The following GPHN variants were observed in gnomAD, a reference collection of about 807,000 sequenced individuals.
GPHN encodes the protein gephyrin.
GPHN carries 17 observed loss-of-function variants against 95.5 expected under a neutral mutation model. That is an observed-to-expected ratio of 0.18 (90% CI 0.12 to 0.27). The LOEUF (loss-of-function observed/expected upper bound fraction) is 0.27. Ranked by LOEUF, GPHN falls within the 10% of genes least tolerant of loss-of-function variation. GPHN has a pLI of 1.00. For missense variants in GPHN, 660 were observed against 978.1 expected (o/e 0.67, Z 4.34); for synonymous variants, 320 against 322.5 (o/e 0.99, Z 0.08).
chr14:67,118,264 A>G (rs1011569568), intron 16 of GPHN, among the ~76,000 whole-genome samples: 4 of 152,336 alleles, frequency 2.6e-5, no homozygotes, highest in Admixed American at 2.6e-4. Flanking sequence ...TCAGCAAAGA[A>G]CAGTACATTC....
the GPHN span, among the ~76,000 whole-genome samples, chr14:67,249,333 G>A: frequency 6.6e-6 from 1 of 152,318 alleles, no homozygotes; most frequent in African/African-American, 2.4e-5. Context: ...GTAAAAGGAA[G>A]CTTGGGGTAT....
chr14:67,664,333 G>A, the GPHN span, among the ~76,000 whole-genome samples: 1 of 152,038 alleles, frequency 6.6e-6, no homozygotes, highest in South Asian at 2.1e-4. Context: ...ACCATTAAGT[G>A]GAATCATACA....
At chr14:67,439,593 C>T in the GPHN span, among the ~76,000 whole-genome samples, 15 of 109,736 alleles carry the variant, frequency 1.4e-4, no homozygotes, top group African/African-American at 4.7e-4. Flanking sequence ...TTCTTTCTTT[C>T]TTCTTTCTTT....
rs1421893686 is a variant in GPHN, at chr14:67,144,286, T to TATATATATAC, written c.1836+838_1836+839insTATATATACA. Among the ~76,000 whole-genome samples, 210 of 78,044 alleles carry TATATATATAC rather than the reference T, an allele frequency of 2.7e-3. 29 individuals are homozygous for TATATATATAC. The highest frequency in any genetic ancestry group is 8.9e-3 in the African/African-American group (139 of 15,650). The allele number at this position is 78,044 out of a possible 152,430, so 51.2% of individuals were successfully genotyped here. On this transcript the variant is annotated intron_variant, in intron 18 of 22. Transcript: ENST00000478722. ...ATATATATATATATATATATATATA[T>TATATATATAC]ACACACACACATACACAAATATTTT...
At chr14:67,320,382 G>C in the GPHN span, 1 of 1,606,044 alleles carries the variant, frequency 6.2e-7, no homozygotes, top group Admixed American at 1.7e-5. Context: ...GGACCGCTTT[G>C]CATCTGCAGT....
intron 1 of GPHN, among the ~76,000 whole-genome samples, chr14:66,642,096 G>A (rs1196069039): frequency 6.6e-6 from 1 of 152,146 alleles, no homozygotes; most frequent in African/African-American, 2.4e-5. Flanking sequence ...CAGTGTGGTA[G>A]GCAGAATAAT....
intron 11 of GPHN, among the ~76,000 whole-genome samples, chr14:67,085,408 C>T (rs764488167): frequency 1.3e-5 from 2 of 152,200 alleles, no homozygotes; most frequent in Non-Finnish European, 2.9e-5. Flanking sequence ...CTTGCAAAAG[C>T]AGAAGATAAT....
At chr14:67,381,526 T>C in the GPHN span, 1 of 1,280,850 alleles carries the variant, frequency 7.8e-7, no homozygotes, top group Admixed American at 1.7e-5. Context: ...GCCACGTGTT[T>C]GATTTCCTTT....
the GPHN span, among the ~76,000 whole-genome samples, chr14:67,377,598 T>A: frequency 6.6e-6 from 1 of 152,376 alleles, no homozygotes; most frequent in African/African-American, 2.4e-5. Context: ...CTGGAATTTG[T>A]GTCCTAATTG....
At chr14:67,464,096 G>A in the GPHN span, among the ~76,000 whole-genome samples, 4 of 151,982 alleles carry the variant, frequency 2.6e-5, no homozygotes, top group Admixed American at 1.3e-4. Flanking sequence ...GTGTGTATGT[G>A]AGACAGAGAG....
chr14:67,328,753 C>G, the GPHN span, among the ~76,000 whole-genome samples: 23,582 of 152,096 alleles, frequency 0.16, 3,451 homozygotes, highest in East Asian at 0.42. Context: ...CCCATTTCTT[C>G]TTTTTGTCAG....
At chr14:67,352,938 T>C in the GPHN span, 2 of 1,608,754 alleles carry the variant, frequency 1.2e-6, no homozygotes, top group Non-Finnish European at 1.7e-6. Context: ...TTATCTTCTT[T>C]AGGATCTGTC....
intron 10 of GPHN, among the ~76,000 whole-genome samples, chr14:67,042,176 C>CTTTTTAGTTTCTAAAT (rs1173990045): frequency 1.3e-5 from 2 of 151,920 alleles, no homozygotes; most frequent in African/African-American, 4.8e-5. Flanking sequence ...CCTGTTCACT[C>CTTTTTAGTTTCTAAAT]TTTTTAGTTT....
intron 3 of GPHN, among the ~76,000 whole-genome samples, chr14:66,783,429 T>C (rs1469791864): frequency 6.6e-6 from 1 of 152,162 alleles, no homozygotes; most frequent in Non-Finnish European, 1.5e-5. Context: ...TGCTCCAGTT[T>C]TCCCAGCAGG....
At chr14:67,330,143 ATAATAATAATAATT>A in the GPHN span, among the ~76,000 whole-genome samples, 3 of 146,254 alleles carry the variant, frequency 2.1e-5, no homozygotes, top group Admixed American at 1.4e-4. Flanking sequence ...GAAATAAATA[ATAATAATAATAATT>A]ATTATTATTA....
the GPHN span, among the ~76,000 whole-genome samples, chr14:67,240,358 A>G: frequency 1.3e-5 from 2 of 152,174 alleles, no homozygotes; most frequent in African/African-American, 4.8e-5. Context: ...ACCTGAGGAC[A>G]TTGCGAGATG....
At chr14:66,923,673 A>G (rs1285751040) in intron 7 of GPHN, among the ~76,000 whole-genome samples, 1 of 152,172 alleles carries the variant, frequency 6.6e-6, no homozygotes, top group Admixed American at 6.6e-5. Context: ...AGAAAGTAGC[A>G]TATCAATTCT....
At chr14:67,662,586 G>C in the GPHN span, 1 of 1,507,636 alleles carries the variant, frequency 6.6e-7, no homozygotes, top group Non-Finnish European at 9.1e-7. Flanking sequence ...CCACACATTT[G>C]TAAAGGCCAT....
the GPHN span, chr14:67,579,237 A>G: frequency 6.2e-7 from 1 of 1,609,938 alleles, no homozygotes; most frequent in South Asian, 1.1e-5. Flanking sequence ...AGTGGTGTCC[A>G]TCCTGCTGCG....
Sources: allele counts gnomAD v4.1 joint callset (sites outside exome capture counted in the v4.1 genomes callset), GRCh38; gene constraint gnomAD v4.1.1; transcripts MANE v1.5; gene names NCBI Gene and HGNC (gene_info 2026-07-23, HGNC 2026-07-21).